Variants in ART1 observed in about 807,000 individuals in gnomAD.
ART1 encodes the protein GPI-linked NAD(P)(+)--arginine ADP-ribosyltransferase 1.
A neutral mutation model predicts 27.0 loss-of-function variants in ART1; 29 were observed. The ratio of observed to expected loss-of-function variants is 1.08; its 90% CI spans 0.80 to 1.47. The LOEUF is 1.47. Among genes scored for constraint, ART1 ranks in the 40% most tolerant of loss-of-function variants. ART1 has a pLI of 0.00. For synonymous variants in ART1, 201 were observed against 172.2 expected, an observed-to-expected ratio of 1.17 and a Z score of -1.31; for missense variants, 480 against 423.0, an observed-to-expected ratio of 1.13 and a Z score of -1.18.
intron 1 of ART1, among the ~76,000 whole-genome samples, chr11:3,646,275 G>T (rs1369824539): frequency 2.0e-5 from 3 of 152,120 alleles, no homozygotes; most frequent in African/African-American, 7.2e-5. Flanking sequence ...AGATCAGCGA[G>T]GAGGAAGGGG....
chr11:3,655,089 G>T lies in ART1; in HGVS notation c.-52-4073G>T, dbSNP rs983299433. ...AAGTGGCTTATCTAAACTGGACTTG[G>T]TTGGGCAGCTCTGCTCAGGCCGCCG... On this transcript the variant is annotated intron_variant, in intron 1 of 4. Coordinates refer to ENST00000250693, the MANE Select transcript of ART1 (RefSeq NM_004314.3). Among the ~76,000 whole-genome samples, 3 of 152,232 alleles carry T rather than the reference G, an allele frequency of 2.0e-5. No homozygotes were observed. In the East Asian group the frequency reaches 5.8e-4, roughly 29 times the overall value.
At chr11:3,656,335 C>G (rs184720876) in intron 1 of ART1, among the ~76,000 whole-genome samples, 1 of 151,780 alleles carries the variant, frequency 6.6e-6, no homozygotes, top group Admixed American at 6.6e-5. Flanking sequence ...CAGATATGCA[C>G]CACCACACCT....
At chr11:3,659,302 C>T (rs541972070) in intron 2 of ART1, 26 bp downstream of exon 2, 3 of 1,613,918 alleles carry the variant, frequency 1.9e-6, no homozygotes, top group Non-Finnish European at 2.5e-6. Context: ...ACTGTTCCCA[C>T]CCCAGCAGGG....
chr11:3,663,960 A>G, intron 4 of ART1, 132 bp from the exon 5 acceptor site: 1 of 751,210 alleles, frequency 1.3e-6, no homozygotes, highest in East Asian at 2.7e-5. Flanking sequence ...AGTTTTGTGT[A>G]TCAGTCTGTC....
chr11:3,653,098 T>C (rs1036396215), intron 1 of ART1, among the ~76,000 whole-genome samples: 1 of 148,392 alleles, frequency 6.7e-6, no homozygotes, highest in South Asian at 2.2e-4. Flanking sequence ...GTTCCCACGC[T>C]GCCCCTAATC....
At chr11:3,654,932 A>T (rs111894634) in intron 1 of ART1, among the ~76,000 whole-genome samples, 3,647 of 150,954 alleles carry the variant, frequency 0.024, 78 homozygotes, top group Non-Finnish European at 0.037. Context: ...ACAGAAACAG[A>T]GCTGTGGAGA....
Position 3,660,377 on chromosome 11 carries a change from C to T in ART1, c.844+14C>T, listed in dbSNP as rs199730802. 3,076 of 1,589,516 alleles carry T rather than the reference C, an allele frequency of 1.9e-3. 6 individuals carry two copies. Among genetic ancestry groups the T allele is most frequent in the Non-Finnish European group, 2.5e-3 (2,931 of 1,172,446 alleles). The stretch of plus-strand genomic sequence containing the variant: ...AGTACATCAAAGGTAGGAGGGCAAG[C>T]GCTGGTCGGCACCTGTGCGGAAGGT... On this transcript the variant is annotated intron_variant, in intron 3 of 4. Transcript: ENST00000250693.
At chr11:3,658,584 C>T (rs1213561450) in intron 1 of ART1, among the ~76,000 whole-genome samples, 2 of 152,082 alleles carry the variant, frequency 1.3e-5, no homozygotes, top group Admixed American at 6.6e-5. Flanking sequence ...CTGGAAGCAC[C>T]GAAGGCTCAT....
intron 4 of ART1, chr11:3,663,851 C>T: frequency 2.1e-6 from 1 of 469,284 alleles, no homozygotes; most frequent in Non-Finnish European, 3.8e-6. Flanking sequence ...GGGGACTGTA[C>T]ATCAACTTTA....
At chr11:3,652,841 T>A (rs934210647) in intron 1 of ART1, among the ~76,000 whole-genome samples, 1 of 150,878 alleles carries the variant, frequency 6.6e-6, no homozygotes, top group Non-Finnish European at 1.5e-5. Flanking sequence ...AAATAAATAA[T>A]CTTTGCTGGC....
chr11:3,653,834 T>C (rs1213225330), intron 1 of ART1, among the ~76,000 whole-genome samples: 1 of 121,434 alleles, frequency 8.2e-6, no homozygotes, highest in Non-Finnish European at 1.7e-5. Context: ...ACATCAAGTC[T>C]TGTAAATTCC....
At chr11:3,652,520 C>G (rs1006462925) in intron 1 of ART1, among the ~76,000 whole-genome samples, 1 of 152,162 alleles carries the variant, frequency 6.6e-6, no homozygotes, top group African/African-American at 2.4e-5. Flanking sequence ...AATACTTCTA[C>G]CACTTTCCCT....
intron 4 of ART1, 25 bp from the exon 5 acceptor site, chr11:3,664,067 A>T (rs753016617): frequency 3.7e-6 from 6 of 1,609,408 alleles, no homozygotes; most frequent in Admixed American, 3.3e-5. Context: ...CTCTCCCCCA[A>T]CCTCTCTGCC....
intron 1 of ART1, among the ~76,000 whole-genome samples, chr11:3,658,003 G>A (rs987177540): frequency 6.6e-6 from 1 of 152,088 alleles, no homozygotes; most frequent in East Asian, 1.9e-4. Flanking sequence ...GTAATAAAAT[G>A]TGTATGTGTA....
intron 1 of ART1, among the ~76,000 whole-genome samples, chr11:3,649,353 A>G (rs2077498240): frequency 6.6e-6 from 1 of 152,154 alleles, no homozygotes; most frequent in South Asian, 2.1e-4. Context: ...TCCATCCTGC[A>G]AGATCTAAAT....
intron 2 of ART1, 109 bp downstream of exon 2, chr11:3,659,385 T>C: frequency 6.6e-7 from 1 of 1,517,450 alleles, no homozygotes. Context: ...ACGCTTCCCC[T>C]GGGGATCACT....
intron 1 of ART1, among the ~76,000 whole-genome samples, chr11:3,649,972 A>G (rs563683847): frequency 1.3e-5 from 2 of 152,302 alleles, no homozygotes; most frequent in South Asian, 2.1e-4. Flanking sequence ...ATTAAATAAA[A>G]CTCCAAAAAT....
intron 3 of ART1, among the ~76,000 whole-genome samples, chr11:3,661,118 C>T (rs2077616645): frequency 6.6e-6 from 1 of 152,132 alleles, no homozygotes; most frequent in Non-Finnish European, 1.5e-5. Flanking sequence ...GGCAGGGAGG[C>T]AAAGTTATAG....
intron 1 of ART1, among the ~76,000 whole-genome samples, 178 bp from the exon 2 acceptor site, chr11:3,658,984 A>AC (rs3830508): frequency 0.61 from 93,181 of 151,840 alleles, 29,642 homozygotes; most frequent in Admixed American, 0.79. Context: ...ATCCTACAAG[A>AC]CCTGTTCACG....
Sources: gnomAD v4.1 joint callset for allele counts (sites outside exome capture counted in the v4.1 genomes callset) on GRCh38, gnomAD v4.1.1 for gene constraint, MANE v1.5 for transcripts, NCBI Gene and HGNC (gene_info 2026-07-23, HGNC 2026-07-21) for gene names.